NT5DC4: variants seen among roughly 807,000 people sequenced by gnomAD.
The protein encoded by NT5DC4 is 5'-nucleotidase domain-containing protein 4.
A neutral mutation model predicts 26.6 loss-of-function variants in NT5DC4; 44 were observed. The ratio of observed to expected loss-of-function variants is 1.65; its 90% CI spans 1.30 to 2.13. NT5DC4 has a LOEUF of 2.13. NT5DC4 is among the 30% of genes most tolerant of loss of function. The pLI is 0.00. For synonymous variants in NT5DC4, 157 were observed against 86.7 expected (o/e 1.81, Z -4.51); for missense variants, 399 against 228.1 (o/e 1.75, Z -4.83).
downstream of NT5DC4, among the ~76,000 whole-genome samples, chr2:112,741,821 CG>C (rs1337993730): frequency 2.0e-5 from 3 of 151,616 alleles, no homozygotes; most frequent in African/African-American, 7.3e-5. Flanking sequence ...AGTGCAGTGG[CG>C]TGATCTTCAT....
chr2:112,742,507 T>G (rs1370229217), downstream of NT5DC4: 13 of 718,814 alleles, frequency 1.8e-5, no homozygotes, highest in South Asian at 1.9e-4. Context: ...ACAACCTTTG[T>G]TCAGTATTGA....
At chr2:112,738,266 T>C (rs1303840437) in intron 16 of NT5DC4, 1 of 152,420 alleles carries the variant, frequency 6.6e-6, no homozygotes. Flanking sequence ...ACAAGAATTC[T>C]CTCTCATTTA....
intron 11 of NT5DC4, 30 bp downstream of exon 11, chr2:112,724,936 T>C (rs746081313): frequency 5.2e-5 from 37 of 714,754 alleles, no homozygotes; most frequent in Non-Finnish European, 8.3e-5. Flanking sequence ...TGGACCACGG[T>C]TGGGGAGGGC....
intron 11 of NT5DC4, 28 bp downstream of exon 11, chr2:112,724,934 G>A (rs903080699): frequency 7.0e-6 from 5 of 714,802 alleles, no homozygotes; most frequent in Non-Finnish European, 7.8e-6. Flanking sequence ...CATGGACCAC[G>A]GTTGGGGAGG....
chr2:112,739,218 G>A (rs1218078294), downstream of NT5DC4, among the ~76,000 whole-genome samples: 2 of 152,030 alleles, frequency 1.3e-5, no homozygotes, highest in South Asian at 2.1e-4. Flanking sequence ...CTAGGAGTTC[G>A]AGACCAGCCT....
At chr2:112,725,653 G>A (rs1677609744) in intron 13 of NT5DC4, 101 bp downstream of exon 13, 2 of 573,690 alleles carry the variant, frequency 3.5e-6, no homozygotes, top group Admixed American at 3.0e-5. Context: ...TAGTAGTTGT[G>A]ACCAGGAATC....
chr2:112,739,006 A>T lies in NT5DC4; in HGVS notation c.*70A>T, dbSNP rs1203181310. On this transcript the variant is annotated 3_prime_UTR_variant, in exon 17 of 17. Transcript: ENST00000688554. ...CAATCCTCGACGAACGCCGTACAGG[A>T]GTGATAAATTTCATGTCTTGCACTT... 2.5e-6 allele frequency: 4 copies of T among 1,614,196 alleles called. No individual in the cohort carries two copies. The South Asian group carries it at 4.4e-5, about 18-fold the overall frequency.
chr2:112,739,806 C>A (rs1206066484), downstream of NT5DC4, among the ~76,000 whole-genome samples: 1 of 152,152 alleles, frequency 6.6e-6, no homozygotes, highest in African/African-American at 2.4e-5. Context: ...AAACGTATGC[C>A]AGCATGCCTG....
intron 16 of NT5DC4, chr2:112,731,823 C>T (rs981774485): frequency 6.6e-6 from 1 of 151,616 alleles, no homozygotes; most frequent in African/African-American, 2.4e-5. Context: ...TGAGGACACA[C>T]TTCATTAGCT....
At chr2:112,741,213 A>T (rs959408979), downstream of NT5DC4, among the ~76,000 whole-genome samples, 2 of 152,018 alleles carry the variant, frequency 1.3e-5, no homozygotes, top group African/African-American at 4.8e-5. Flanking sequence ...ACATCAGGCT[A>T]CCCTCGTAGC....
At chr2:112,731,253 G>A (rs1198155183) in intron 16 of NT5DC4, 2 of 151,970 alleles carry the variant, frequency 1.3e-5, no homozygotes, top group East Asian at 3.9e-4. Context: ...AGCAGATTTG[G>A]AGCCTGCAAA....
rs1181043634 is a variant in NT5DC4, at chr2:112,722,250, G to A, written c.334G>A (p.Gly112Ser). ...GGACGCCCACGGGAATGTGCTGCTG[G>A]GTGCCTATGGCTTCACCTTCCTCTC... is the stretch of plus-strand genomic sequence containing the variant. ...KVDAHGNVLLGAYGFTFLSDL... is the reference protein window; with the variant it reads ...KVDAHGNVLLSAYGFTFLSDL... The change falls in exon 4 of 17, where the codon GGT becomes AGT. Residue 112 changes from glycine (G) to serine (S), a missense_variant. Coordinates refer to ENST00000688554, the MANE Select transcript of NT5DC4 (RefSeq NM_001393655.1). 1.4e-6 allele frequency: 1 copy of A among 717,106 alleles called. No homozygotes were observed. The highest frequency in any genetic ancestry group is 2.0e-5 in the Admixed American group (1 of 50,028). 44.4% of individuals were successfully genotyped at this position (717,106 alleles called of 1,614,324 possible). A position where few individuals can be genotyped will look rare whatever the true frequency, so the allele number is the denominator to read the frequency against.
downstream of NT5DC4, chr2:112,741,048 T>C: frequency 2.2e-6 from 3 of 1,339,734 alleles, no homozygotes; most frequent in Non-Finnish European, 3.2e-6. Flanking sequence ...GATTTACCAA[T>C]TTAATACTTC....
chr2:112,720,577 AG>A (rs1676786237), upstream of NT5DC4, among the ~76,000 whole-genome samples: 2 of 152,180 alleles, frequency 1.3e-5, no homozygotes, highest in South Asian at 4.1e-4. Context: ...CTGAGATCCC[AG>A]TTATCTTCCC....
At chr2:112,733,168 A>G (rs779411289) in intron 16 of NT5DC4, among the ~76,000 whole-genome samples, 25 of 151,584 alleles carry the variant, frequency 1.6e-4, no homozygotes, top group Non-Finnish European at 2.9e-4. Flanking sequence ...TCATGAGAAA[A>G]CTCATATCCT....
In NT5DC4 at chr2:112,729,720, C is replaced by T. The variant is rs1468688966; in HGVS notation, c.1344+16C>T. ...CAACCAGAGGGTGAGTGGCTGTGGC[C>T]GACGAACTCTGTGGCTTGGGGTCCC... On this transcript the variant is annotated intron_variant, in intron 16 of 16. Transcript: ENST00000688554. The T allele has an allele frequency of 5.6e-6, 4 of 717,302 alleles. No individual in the cohort carries two copies. The highest frequency in any genetic ancestry group is 1.7e-5 in the African/African-American group (1 of 57,218). The allele number at this position is 717,302 out of a possible 1,614,324, so 44.4% of individuals were successfully genotyped here.
At chr2:112,734,004 C>G (rs933880848) in intron 16 of NT5DC4, among the ~76,000 whole-genome samples, 1 of 152,054 alleles carries the variant, frequency 6.6e-6, no homozygotes, top group Non-Finnish European at 1.5e-5. Context: ...AAGTTCTGAA[C>G]CTGGAGCCAG....
chr2:112,733,175 TC>T (rs1678681918), intron 16 of NT5DC4, among the ~76,000 whole-genome samples: 1 of 151,810 alleles, frequency 6.6e-6, no homozygotes, highest in Non-Finnish European at 1.5e-5. Context: ...AAAACTCATA[TC>T]CTTAGACAAA....
At chr2:112,724,276 A>C (rs1384310482) in intron 10 of NT5DC4, 150 bp downstream of exon 10, 1 of 667,362 alleles carries the variant, frequency 1.5e-6, no homozygotes, top group African/African-American at 1.8e-5. Flanking sequence ...TCATGAGTGG[A>C]AGCTCCCCAG....
Sources: allele counts gnomAD v4.1 joint callset (sites outside exome capture counted in the v4.1 genomes callset), GRCh38; gene constraint gnomAD v4.1.1; transcripts MANE v1.5; gene names NCBI Gene and HGNC (gene_info 2026-07-23, HGNC 2026-07-21).